Variants in COMMD1 observed in about 807,000 individuals in gnomAD.
The protein encoded by COMMD1 is COMM domain-containing protein 1.
Under a neutral mutation model 17.2 loss-of-function variants are expected in COMMD1, and 10 were observed. The ratio of observed to expected loss-of-function variants is 0.58; its 90% CI spans 0.36 to 0.99. COMMD1 has a LOEUF of 0.99. COMMD1 is among the 50% of genes least tolerant of loss of function. COMMD1 has a pLI of 0.01. For missense variants in COMMD1, 270 were observed against 231.8 expected (o/e 1.17, Z -1.07); for synonymous variants, 97 against 91.6 (o/e 1.06, Z -0.34).
At chr2:61,902,765 G>T (rs1189304073), upstream of COMMD1, among the ~76,000 whole-genome samples, 1 of 151,792 alleles carries the variant, frequency 6.6e-6, no homozygotes, top group East Asian at 2.0e-4. Flanking sequence ...GGATAACTTG[G>T]GCCTGGGAGG....
intron 1 of COMMD1, among the ~76,000 whole-genome samples, chr2:61,973,533 TTCC>T (rs1478238467): frequency 2.0e-5 from 3 of 152,220 alleles, no homozygotes; most frequent in Non-Finnish European, 4.4e-5. Context: ...TCATTTGGGT[TTCC>T]TCCTCTGTGA....
chr2:62,004,778 T>G (rs1001406022), intron 2 of COMMD1, among the ~76,000 whole-genome samples: 1 of 152,172 alleles, frequency 6.6e-6, no homozygotes, highest in Non-Finnish European at 1.5e-5. Flanking sequence ...TAGTGTTATT[T>G]ATGAAATACT....
intron 1 of COMMD1, among the ~76,000 whole-genome samples, chr2:61,938,560 G>A (rs1479049908): frequency 2.6e-5 from 4 of 152,130 alleles, no homozygotes; most frequent in Non-Finnish European, 4.4e-5. Flanking sequence ...CCAAGCACAC[G>A]TTCCTTGCTT....
chr2:61,971,954 C>T (rs931708748), intron 1 of COMMD1, among the ~76,000 whole-genome samples: 31 of 151,986 alleles, frequency 2.0e-4, no homozygotes, highest in Non-Finnish European at 4.3e-4. Flanking sequence ...GACTTCATCT[C>T]TACAGAAAAT....
intron 1 of COMMD1, among the ~76,000 whole-genome samples, chr2:61,991,626 G>A (rs746756702): frequency 6.6e-6 from 1 of 152,178 alleles, no homozygotes; most frequent in Non-Finnish European, 1.5e-5. Context: ...AGCCATACTT[G>A]AACTGAGTCT....
chr2:61,903,773 C>T (rs1159736369), upstream of COMMD1, among the ~76,000 whole-genome samples: 1 of 151,948 alleles, frequency 6.6e-6, no homozygotes, highest in African/African-American at 2.4e-5. Flanking sequence ...ATCTCCTGAC[C>T]TCAGGTGATC....
intron 2 of COMMD1, among the ~76,000 whole-genome samples, chr2:62,120,820 T>C (rs2104072439): frequency 6.6e-6 from 1 of 152,248 alleles, no homozygotes; most frequent in South Asian, 2.1e-4. Context: ...TGACCTGTGC[T>C]CAAGCAGCCC....
At chr2:62,128,770 G>A (rs1267959018) in intron 2 of COMMD1, among the ~76,000 whole-genome samples, 1 of 151,950 alleles carries the variant, frequency 6.6e-6, no homozygotes, top group Non-Finnish European at 1.5e-5. Context: ...GGCTAACATA[G>A]TGAAACCCCA....
intron 2 of COMMD1, among the ~76,000 whole-genome samples, chr2:62,048,474 CACCGT>C (rs1670446154): frequency 6.6e-6 from 1 of 152,064 alleles, no homozygotes; most frequent in Non-Finnish European, 1.5e-5. Flanking sequence ...AGGCATGAGC[CACCGT>C]GCTGGCCAGG....
chr2:61,914,934 C>T (rs1670011953), intron 1 of COMMD1, among the ~76,000 whole-genome samples: 1 of 151,824 alleles, frequency 6.6e-6, no homozygotes, highest in Admixed American at 6.6e-5. Flanking sequence ...AAGTGATCCA[C>T]CCACCTGGGC....
intron 2 of COMMD1, among the ~76,000 whole-genome samples, chr2:62,056,363 T>C (rs183196604): frequency 6.6e-6 from 1 of 152,324 alleles, no homozygotes; most frequent in East Asian, 1.9e-4. Context: ...TAAAGGTCCA[T>C]TGCTGGCCAG....
At chr2:61,934,405 A>T (rs1471727364) in intron 1 of COMMD1, among the ~76,000 whole-genome samples, 1 of 152,128 alleles carries the variant, frequency 6.6e-6, no homozygotes, top group Non-Finnish European at 1.5e-5. Context: ...ACTTGTAAGT[A>T]AAACTTATTT....
chr2:62,111,281 G>A (rs1238543236), intron 2 of COMMD1, among the ~76,000 whole-genome samples: 1 of 152,138 alleles, frequency 6.6e-6, no homozygotes, highest in Non-Finnish European at 1.5e-5. Context: ...AACAAGGACA[G>A]GTTAACAAGA....
chr2:61,893,478 C>A (rs570392412), intron 1 of COMMD1, among the ~76,000 whole-genome samples: 1 of 151,498 alleles, frequency 6.6e-6, no homozygotes, highest in Admixed American at 6.6e-5. Flanking sequence ...GGTTTTCTAT[C>A]GAAAAACAGG....
At position 61,949,194 on chromosome 2, in the gene COMMD1, T is replaced by C. The variant is rs545917146; in HGVS notation, c.180+43336T>C. On this transcript the variant is annotated intron_variant, in intron 1 of 2. Coordinates refer to ENST00000311832, the MANE Select transcript of COMMD1 (RefSeq NM_152516.4). ...CCAATAAGAAAGGAAGGGAAAGAGCTAGTGCTGCCGTGGCAGAGCATATAG... is the reference window on the plus strand; with the variant it reads ...CCAATAAGAAAGGAAGGGAAAGAGCCAGTGCTGCCGTGGCAGAGCATATAG... Among the ~76,000 whole-genome samples, 424 of 152,164 alleles carry C rather than the reference T, an allele frequency of 2.8e-3. 2 individuals carry two copies. Among genetic ancestry groups the C allele is most frequent in the Non-Finnish European group, 4.7e-3 (317 of 67,990 alleles).
intron 2 of COMMD1, among the ~76,000 whole-genome samples, chr2:62,109,877 T>C (rs183023115): frequency 8.5e-5 from 13 of 152,124 alleles, no homozygotes; most frequent in African/African-American, 3.1e-4. Context: ...TGGCTAATAG[T>C]TGTCTCATGA....
chr2:62,023,330 T>C (rs1669664563), intron 2 of COMMD1, among the ~76,000 whole-genome samples: 1 of 152,000 alleles, frequency 6.6e-6, no homozygotes. Context: ...ATAGTAGCCT[T>C]TAACACTGTA....
At chr2:62,031,652 T>A (rs1036378845) in intron 2 of COMMD1, among the ~76,000 whole-genome samples, 2 of 152,232 alleles carry the variant, frequency 1.3e-5, no homozygotes, top group African/African-American at 2.4e-5. Flanking sequence ...TTGTTTATGT[T>A]AAAGTAAATT....
At chr2:61,995,722 A>G (rs1376736404) in intron 1 of COMMD1, among the ~76,000 whole-genome samples, 1 of 152,216 alleles carries the variant, frequency 6.6e-6, no homozygotes, top group East Asian at 1.9e-4. Context: ...TTGGCCCTGC[A>G]CTTATCTCAT....
Sources: allele counts gnomAD v4.1 joint callset (sites outside exome capture counted in the v4.1 genomes callset), GRCh38; gene constraint gnomAD v4.1.1; transcripts MANE v1.5; gene names NCBI Gene and HGNC (gene_info 2026-07-23, HGNC 2026-07-21).